RBBP8: variants seen among roughly 807,000 people sequenced by gnomAD.
RBBP8 encodes RB binding protein 8, endonuclease, also known as DNA endonuclease RBBP8.
A neutral mutation model predicts 108.3 loss-of-function variants in RBBP8; 88 were observed. The observed-to-expected ratio is 0.81, with a 90% CI of 0.68 to 0.97. The LOEUF (loss-of-function observed/expected upper bound fraction) is 0.97. Ranked by LOEUF, RBBP8 falls within the 50% of genes least tolerant of loss-of-function variation. The probability of loss-of-function intolerance (pLI) is 0.00; values close to 1 mark genes in which losing one functional copy is unlikely to be tolerated. For missense variants in RBBP8, 1,023 were observed against 1,049.0 expected, an observed-to-expected ratio of 0.98 and a Z score of 0.34; for synonymous variants, 332 against 348.2, an observed-to-expected ratio of 0.95 and a Z score of 0.52.
chr18:22,984,036 A>G (rs1915145217), intron 7 of RBBP8, among the ~76,000 whole-genome samples: 3 of 152,130 alleles, frequency 2.0e-5, no homozygotes, highest in Non-Finnish European at 4.4e-5. Flanking sequence ...AGCTGAGATC[A>G]TGCCACTGCA....
Position 22,963,579 on chromosome 18 carries a change from A to G in RBBP8, c.249-5227A>G, listed in dbSNP as rs934488032. Among the ~76,000 whole-genome samples, 5 of 152,254 alleles carry G rather than the reference A, an allele frequency of 3.3e-5. No individual in the cohort carries two copies. In the East Asian group the frequency reaches 5.8e-4, roughly 18 times the overall value. ...GTCTCAGAGGCTCTGATCTGCTTCAATTTGGACTCTGTCCTCTTTACCTGC... is the reference window on the plus strand; with the variant it reads ...GTCTCAGAGGCTCTGATCTGCTTCAGTTTGGACTCTGTCCTCTTTACCTGC... On this transcript the variant is annotated intron_variant, in intron 4 of 18. Transcript: ENST00000327155.
chr18:22,964,128 C>A (rs1211756421), intron 4 of RBBP8, among the ~76,000 whole-genome samples: 2 of 152,134 alleles, frequency 1.3e-5, no homozygotes, highest in East Asian at 3.8e-4. Flanking sequence ...CCCACCAAAA[C>A]AGTGCTGTTA....
At chr18:22,951,605 A>G (rs911187842) in intron 4 of RBBP8, among the ~76,000 whole-genome samples, 7 of 152,176 alleles carry the variant, frequency 4.6e-5, no homozygotes, top group African/African-American at 4.8e-5. Context: ...TCTTAATTCA[A>G]TTCCTACACT....
At chr18:22,967,496 G>A (rs1913713402) in intron 4 of RBBP8, among the ~76,000 whole-genome samples, 2 of 151,874 alleles carry the variant, frequency 1.3e-5, no homozygotes, top group Admixed American at 1.3e-4. Context: ...TCAAAAATAT[G>A]GAAAATGAAG....
rs1426900092 is a variant in RBBP8 at position 22,989,260 on chromosome 18, C to G, written c.749C>G (p.Ser250Cys). 8 of 1,611,150 alleles carry G rather than the reference C, an allele frequency of 5.0e-6. No individual in the cohort carries two copies. Among genetic ancestry groups the G allele is most frequent in the Non-Finnish European group, 6.8e-6 (8 of 1,177,652 alleles). The change falls in exon 9 of 19, where the codon TCT (serine) becomes TGT (cysteine). Residue 250 changes from serine (S) to cysteine (C), a missense_variant. By Grantham distance (112) the Ser-to-Cys change is moderately radical. Coordinates refer to ENST00000327155, the MANE Select transcript of RBBP8 (RefSeq NM_002894.3). ...GTSSYTPDKS[S>C]FNLATVVAET... Reference sequence around the variant, plus strand: ...AGCAGCTATACCCCTGATAAGTCATCTTTTAATTTAGCTACAGTTGTTGCT... The same window carrying G: ...AGCAGCTATACCCCTGATAAGTCATGTTTTAATTTAGCTACAGTTGTTGCT...
chr18:22,997,834 A>G lies in RBBP8; in HGVS notation c.2143+100A>G, dbSNP rs2045886938. The G allele has an allele frequency of 4.7e-6, 4 of 852,808 alleles. No individual in the cohort carries two copies. In the East Asian group the frequency reaches 1.1e-4, roughly 23 times the overall value. 52.8% of individuals were successfully genotyped at this position (852,808 alleles called of 1,614,324 possible). On this transcript the variant is annotated intron_variant, in intron 14 of 18. Coordinates refer to ENST00000327155, the MANE Select transcript of RBBP8 (RefSeq NM_002894.3). ...TAGCTCAAGTGACCTCTTCACCATA[A>G]AGCAGGTTTTTTCCTGCTCTGTTAA... is the stretch of plus-strand genomic sequence containing the variant.
intron 14 of RBBP8, among the ~76,000 whole-genome samples, chr18:23,000,140 G>T (rs2045923195): frequency 6.6e-6 from 1 of 152,190 alleles, no homozygotes; most frequent in African/African-American, 2.4e-5. Context: ...ATATATAATA[G>T]ATGATGGTAA....
At chr18:22,941,570 G>A (rs1412500705) in intron 2 of RBBP8, among the ~76,000 whole-genome samples, 1 of 152,026 alleles carries the variant, frequency 6.6e-6, no homozygotes, top group Non-Finnish European at 1.5e-5. Context: ...CTATTTTACA[G>A]TGAGGAAGCA....
chr18:23,009,272 GAAT>G (rs1423742363), intron 16 of RBBP8, among the ~76,000 whole-genome samples: 1 of 151,678 alleles, frequency 6.6e-6, no homozygotes, highest in Non-Finnish European at 1.5e-5. Context: ...AGCAGTTTCA[GAAT>G]AATACCACCA....
intron 8 of RBBP8, among the ~76,000 whole-genome samples, chr18:22,986,091 A>G (rs1915307694): frequency 6.6e-6 from 1 of 150,944 alleles, no homozygotes; most frequent in South Asian, 2.1e-4. Context: ...TGCTTTATAC[A>G]TAGTAAGGTT....
intron 3 of RBBP8, chr18:22,920,725 T>A (rs1909561146): frequency 6.6e-6 from 1 of 152,192 alleles, no homozygotes; most frequent in Non-Finnish European, 1.5e-5. Flanking sequence ...AACCTAGCAA[T>A]GTTTCTCAAA....
chr18:22,995,213 T>C (rs1804572690), intron 12 of RBBP8, among the ~76,000 whole-genome samples: 1 of 152,102 alleles, frequency 6.6e-6, no homozygotes, highest in Admixed American at 6.6e-5. Flanking sequence ...ATGAAAACAT[T>C]TTTTTCACTA....
At chr18:23,001,821 T>C (rs1180569962) in intron 15 of RBBP8, 92 bp downstream of exon 15, 2 of 1,462,614 alleles carry the variant, frequency 1.4e-6, no homozygotes, top group Admixed American at 3.7e-5. Context: ...TGATGACATA[T>C]CAACAATTGA....
At chr18:22,929,508 G>GT (rs1422881326), upstream of RBBP8, 5,276 of 43,452 alleles carry the variant, frequency 0.12, 349 homozygotes, top group East Asian at 0.28. Flanking sequence ...GTGTGTGTGT[G>GT]TGAAGAGACA....
At chr18:22,934,531 TA>T (rs1393162786) in intron 1 of RBBP8, among the ~76,000 whole-genome samples, 4 of 152,162 alleles carry the variant, frequency 2.6e-5, no homozygotes, top group Non-Finnish European at 5.9e-5. Flanking sequence ...ATTTTATTAT[TA>T]TTTTTTATAC....
At chr18:22,941,307 G>A (rs149135814) in intron 2 of RBBP8, among the ~76,000 whole-genome samples, 59 of 152,140 alleles carry the variant, frequency 3.9e-4, no homozygotes, top group Admixed American at 9.8e-4. Context: ...AAGTAGCTGG[G>A]ACTACAGGCA....
At chr18:22,985,584 AGG>A (rs1303511071) in intron 8 of RBBP8, among the ~76,000 whole-genome samples, 1 of 151,882 alleles carries the variant, frequency 6.6e-6, no homozygotes, top group Non-Finnish European at 1.5e-5. Context: ...GAGTGAGTAA[AGG>A]GGAGATTGGT....
At chr18:22,983,264 A>T (rs1185663699) in intron 7 of RBBP8, among the ~76,000 whole-genome samples, 2 of 152,202 alleles carry the variant, frequency 1.3e-5, no homozygotes, top group South Asian at 2.1e-4. Context: ...GGGACGGGGG[A>T]TATATATGTA....
chr18:22,948,373 A>T (rs1365447264), intron 3 of RBBP8, among the ~76,000 whole-genome samples: 2 of 151,586 alleles, frequency 1.3e-5, no homozygotes, highest in African/African-American at 4.8e-5. Context: ...GAAATATTTT[A>T]TTTATTTATT....
Sources: gnomAD v4.1 joint callset for allele counts (sites outside exome capture counted in the v4.1 genomes callset) on GRCh38, gnomAD v4.1.1 for gene constraint, MANE v1.5 for transcripts, NCBI Gene and HGNC (gene_info 2026-07-23, HGNC 2026-07-21) for gene names.